Variants in SULF2 observed in about 807,000 individuals in gnomAD.
SULF2 encodes sulfatase 2.
Under a neutral mutation model 107.7 loss-of-function variants are expected in SULF2, and 52 were observed. The ratio of observed to expected loss-of-function variants is 0.48; its 90% CI spans 0.39 to 0.61. The LOEUF (loss-of-function observed/expected upper bound fraction) is 0.61, where lower values mean the gene tolerates loss of function less well. Ranked by LOEUF, SULF2 falls within the 20% of genes least tolerant of loss-of-function variation. The pLI is 0.00. For synonymous variants in SULF2, 460 were observed against 464.3 expected, an observed-to-expected ratio of 0.99 and a Z score of 0.12; for missense variants, 993 against 1,177.3, an observed-to-expected ratio of 0.84 and a Z score of 2.29.
At chr20:47,665,371 C>CGCT (rs1465096432) in intron 13 of SULF2, 78 bp from the exon 14 acceptor site, 4 of 955,632 alleles carry the variant, frequency 4.2e-6, no homozygotes, top group Non-Finnish European at 6.9e-6. Context: ...ACTGCCCCCA[C>CGCT]GCTGCCGTGT....
intron 4 of SULF2, among the ~76,000 whole-genome samples, chr20:47,690,791 C>A (rs575674275): frequency 6.6e-6 from 1 of 150,708 alleles, no homozygotes; most frequent in African/African-American, 2.4e-5. Flanking sequence ...ATCGCTTGAA[C>A]ACAGGAGGTG....
chr20:47,731,190 T>TTTTTTTTTTTTTTTTATTTA, intron 3 of SULF2, among the ~76,000 whole-genome samples: 2 of 88,594 alleles, frequency 2.3e-5, no homozygotes, highest in African/African-American at 8.4e-5. Context: ...ATCTTCTCTT[T>TTTTTTTTTTTTTTTTATTTA]TTTTTTTTTT....
chr20:47,718,068 C>T (rs144189154), intron 3 of SULF2, among the ~76,000 whole-genome samples: 2,208 of 152,180 alleles, frequency 0.015, 54 homozygotes, highest in African/African-American at 0.049. Context: ...CCACCTGCCT[C>T]GGCCTCCCAA....
intron 2 of SULF2, among the ~76,000 whole-genome samples, chr20:47,744,859 G>A (rs961888735): frequency 2.6e-5 from 4 of 152,126 alleles, no homozygotes; most frequent in Admixed American, 1.3e-4. Context: ...TCTCCAGGCC[G>A]CGTCCTTCTC....
At chr20:47,710,059 G>A (rs965219277) in intron 3 of SULF2, among the ~76,000 whole-genome samples, 4 of 152,058 alleles carry the variant, frequency 2.6e-5, no homozygotes, top group South Asian at 2.1e-4. Flanking sequence ...CCAACACCAC[G>A]CCCAGCTAAT....
chr20:47,766,750 G>C (rs953411834), intron 1 of SULF2, among the ~76,000 whole-genome samples: 4 of 152,178 alleles, frequency 2.6e-5, no homozygotes, highest in African/African-American at 9.7e-5. Context: ...GCAAACCACC[G>C]GCAAGCTGTG....
chr20:47,671,187 T>C (rs2087458629), intron 11 of SULF2, among the ~76,000 whole-genome samples: 1 of 152,268 alleles, frequency 6.6e-6, no homozygotes, highest in African/African-American at 2.4e-5. Flanking sequence ...CCCTGGCTTC[T>C]GTCTGACTGT....
intron 13 of SULF2, 41 bp from the exon 14 acceptor site, chr20:47,665,334 G>T: frequency 7.5e-7 from 1 of 1,331,150 alleles, no homozygotes; most frequent in South Asian, 1.2e-5. Context: ...AACCTTCAAG[G>T]CTGGACAACA....
chr20:47,680,352 C>T lies in SULF2; in HGVS notation c.1065-1548G>A, dbSNP rs938676768. Reference sequence around the variant, plus strand: ...TCCTGACCTCAGGTGATACATCCGCCTCAGCCTCCCAAAGTGCTGGGATTA... The same window carrying T: ...TCCTGACCTCAGGTGATACATCCGCTTCAGCCTCCCAAAGTGCTGGGATTA... On this transcript the variant is annotated intron_variant, in intron 7 of 20. Transcript: ENST00000688720. The surrounding 1 kb of genome is among the most constrained non-coding windows in gnomAD (Gnocchi z 4.2). Among the ~76,000 whole-genome samples, 1 of 152,384 alleles carries T rather than the reference C, an allele frequency of 6.6e-6. No homozygotes were observed. The highest frequency in any genetic ancestry group is 1.9e-4 in the East Asian group (1 of 5,190).
Position 47,741,478 on chromosome 20 carries a change from G to A in SULF2, c.176-4536C>T, listed in dbSNP as rs552102513. ...CCCAATATTTTCTACTCCCTTCCTT[G>A]CCTGACATTTTCAACCCTGCACTCA... On this transcript the variant is annotated intron_variant, in intron 2 of 20. Coordinates refer to ENST00000688720, the MANE Select transcript of SULF2 (RefSeq NM_001387048.1). Among the ~76,000 whole-genome samples the A allele has an allele frequency of 2.0e-5, 3 of 151,678 alleles. 1 individual carries two copies. The highest frequency in any genetic ancestry group is 7.3e-5 in the African/African-American group (3 of 41,234).
At chr20:47,661,273 A>G (rs2087057731) in intron 18 of SULF2, among the ~76,000 whole-genome samples, 1 of 151,758 alleles carries the variant, frequency 6.6e-6, no homozygotes, top group South Asian at 2.1e-4. Flanking sequence ...ATTGCATCCT[A>G]CTTTTCAGGA....
intron 4 of SULF2, among the ~76,000 whole-genome samples, chr20:47,698,369 T>C (rs2088454394): frequency 6.6e-6 from 1 of 152,158 alleles, no homozygotes; most frequent in Non-Finnish European, 1.5e-5. Context: ...GCCACTCTGA[T>C]TGGCTCAGGG....
intron 1 of SULF2, among the ~76,000 whole-genome samples, chr20:47,768,786 C>G (rs554820062): frequency 7.2e-4 from 110 of 152,346 alleles, no homozygotes; most frequent in African/African-American, 2.6e-3. Flanking sequence ...CTCGGTCACC[C>G]CCACCCCCAG....
intron 2 of SULF2, among the ~76,000 whole-genome samples, chr20:47,744,539 C>T (rs550649182): frequency 6.6e-6 from 1 of 152,162 alleles, no homozygotes; most frequent in African/African-American, 2.4e-5. Context: ...TGTGCTACCC[C>T]TATGTGAAGC....
At chr20:47,659,052 C>T (rs970801217) in intron 20 of SULF2, among the ~76,000 whole-genome samples, 1 of 152,188 alleles carries the variant, frequency 6.6e-6, no homozygotes, top group African/African-American at 2.4e-5. Context: ...ATGAGGCCAT[C>T]CTACTACTGA....
chr20:47,658,457 C>T (rs377722639), intron 20 of SULF2, 65 bp from the exon 21 acceptor site: 16 of 1,521,964 alleles, frequency 1.1e-5, no homozygotes, highest in East Asian at 4.5e-5. Flanking sequence ...ACTTCCTAAT[C>T]GGTCCTATAG....
chr20:47,745,374 T>A (rs2089981131), intron 2 of SULF2, among the ~76,000 whole-genome samples: 1 of 104,150 alleles, frequency 9.6e-6, no homozygotes, highest in Non-Finnish European at 1.8e-5. Context: ...TTGTTCTGAG[T>A]TTTGAGGGAA....
intron 3 of SULF2, among the ~76,000 whole-genome samples, chr20:47,710,509 C>T (rs2088892667): frequency 6.6e-6 from 1 of 151,814 alleles, no homozygotes. Flanking sequence ...GCTATGCCAT[C>T]CAGGCGTGTA....
At position 47,678,806 on chromosome 20, in the gene SULF2, T is replaced by C; in HGVS notation, c.1065-2A>G. On this transcript the variant is annotated splice_acceptor_variant, in intron 7 of 20. Coordinates refer to ENST00000688720, the MANE Select transcript of SULF2 (RefSeq NM_001387048.1). LOFTEE classifies it high-confidence loss of function. The surrounding 1 kb of genome is among the most constrained non-coding windows in gnomAD (Gnocchi z 4.5). ...ATGTTGAGGACGATGTGGGGATTCC[T>C]GGGGGAGGCAGGAGATCGGGGACTC... is the stretch of plus-strand genomic sequence containing the variant. The C allele has an allele frequency of 6.2e-7, 1 of 1,612,770 alleles. No homozygotes were observed. Among genetic ancestry groups the C allele is most frequent in the Non-Finnish European group, 8.5e-7 (1 of 1,179,222 alleles).
Sources: allele counts gnomAD v4.1 joint callset (sites outside exome capture counted in the v4.1 genomes callset), GRCh38; gene constraint gnomAD v4.1.1; non-coding constraint Gnocchi (gnomAD v3.1); transcripts MANE v1.5; gene names NCBI Gene and HGNC (gene_info 2026-07-23, HGNC 2026-07-21).